HPSE2: variants seen among roughly 807,000 people sequenced by gnomAD.
The protein encoded by HPSE2 is heparanase 2 (inactive).
In HPSE2, 38 loss-of-function variants were observed where a neutral mutation model predicts 60.5. That is an observed-to-expected ratio of 0.63 (90% CI 0.48 to 0.82). The LOEUF is 0.82. Ranked by LOEUF, HPSE2 falls within the 40% of genes least tolerant of loss-of-function variation. The probability of loss-of-function intolerance (pLI) is 0.00; values close to 1 mark genes in which losing one functional copy is unlikely to be tolerated. For synonymous variants in HPSE2, 295 were observed against 293.2 expected, an observed-to-expected ratio of 1.01 and a Z score of -0.06; for missense variants, 713 against 740.4, an observed-to-expected ratio of 0.96 and a Z score of 0.43.
At chr10:98,803,005 T>C (rs1437713138) in intron 3 of HPSE2, among the ~76,000 whole-genome samples, 36 of 147,812 alleles carry the variant, frequency 2.4e-4, no homozygotes, top group African/African-American at 7.7e-4. Context: ...TTTTTAATGA[T>C]TGCCATTCTA....
intron 3 of HPSE2, among the ~76,000 whole-genome samples, chr10:99,092,372 T>C (rs1843545704): frequency 2.0e-5 from 3 of 152,188 alleles, no homozygotes; most frequent in Admixed American, 6.5e-5. Context: ...TCAGTAAGTA[T>C]TGTGACTCAA....
rs1554943112 is a variant in HPSE2 at position 98,571,940 on chromosome 10, C to CTTTTTTT, written c.1320+42957_1320+42963dup. Among the ~76,000 whole-genome samples, 4 of 140,724 alleles carry CTTTTTTT rather than the reference C, an allele frequency of 2.8e-5. 1 individual carries two copies. The highest frequency in any genetic ancestry group is 2.7e-5 in the African/African-American group (1 of 37,440). 92.3% of individuals were successfully genotyped at this position (140,724 alleles called of 152,430 possible). A position where few individuals can be genotyped will look rare whatever the true frequency, so the allele number is the denominator to read the frequency against. ...AATTCAGAGCAAGAGAATTCCTTTT[C>CTTTTTTT]TTTTTTTTTTTTTTTTGAGACGGAG... On this transcript the variant is annotated intron_variant, in intron 9 of 11. Transcript: ENST00000370552.
intron 4 of HPSE2, among the ~76,000 whole-genome samples, chr10:98,730,565 C>T (rs972976240): frequency 1.3e-5 from 2 of 150,594 alleles, no homozygotes; most frequent in Non-Finnish European, 3.0e-5. Context: ...ACCGATATAC[C>T]TTTAGTTAGA....
At chr10:99,245,891 T>C in the HPSE2 span, among the ~76,000 whole-genome samples, 3 of 152,128 alleles carry the variant, frequency 2.0e-5, no homozygotes, top group Non-Finnish European at 4.4e-5. Flanking sequence ...ATGTCCATCA[T>C]AAAGGAAATA....
At chr10:98,614,094 T>A (rs1945833204) in intron 9 of HPSE2, among the ~76,000 whole-genome samples, 1 of 152,180 alleles carries the variant, frequency 6.6e-6, no homozygotes, top group Admixed American at 6.5e-5. Flanking sequence ...TAATTGCACT[T>A]CAGCCACTCC....
intron 3 of HPSE2, chr10:99,013,554 C>A: frequency 4.2e-6 from 1 of 240,756 alleles, no homozygotes. Context: ...TCACTGCAAC[C>A]TCCGCCTCCC....
intron 3 of HPSE2, among the ~76,000 whole-genome samples, chr10:99,119,112 G>GGAGGGAGGGAGA (rs1270143928): frequency 1.4e-5 from 2 of 142,112 alleles, no homozygotes; most frequent in East Asian, 4.7e-4. Context: ...AGGGAGGGAG[G>GGAGGGAGGGAGA]GAGGGAGGGA....
chr10:98,458,680 C>T lies in HPSE2; in HGVS notation c.*894G>A, dbSNP rs1441413283. ...CTTAATTTTGGAGAGGTCTAATTTG[C>T]TTTGTCCAGTTGGGGTGTGTGTGTG... On this transcript the variant is annotated 3_prime_UTR_variant, in exon 12 of 12. Transcript: ENST00000370552. 6.6e-6 allele frequency: 1 copy of T among 152,168 alleles called. No individual in the cohort carries two copies. Among genetic ancestry groups the T allele is most frequent in the Non-Finnish European group, 1.5e-5 (1 of 68,064 alleles). The allele number at this position is 152,168 out of a possible 1,614,324, so 9.4% of individuals were successfully genotyped here.
intron 3 of HPSE2, among the ~76,000 whole-genome samples, chr10:98,834,715 T>A (rs765619721): frequency 2.6e-5 from 4 of 152,172 alleles, no homozygotes; most frequent in Admixed American, 6.5e-5. Context: ...CAGCTACATA[T>A]CTGTATGAGG....
upstream of HPSE2, among the ~76,000 whole-genome samples, chr10:99,240,319 T>C (rs1412735064): frequency 6.6e-6 from 1 of 152,152 alleles, no homozygotes; most frequent in Admixed American, 6.5e-5. Flanking sequence ...ACTACTGGGA[T>C]ATTATTCTGT....
At chr10:98,872,165 GGAAGGACCGTTTTCTGCA>G (rs1313793271) in intron 3 of HPSE2, among the ~76,000 whole-genome samples, 3 of 152,024 alleles carry the variant, frequency 2.0e-5, no homozygotes, top group Admixed American at 6.6e-5. Flanking sequence ...TGGATGAAAA[GGAAGGACCGTTTTCTGCA>G]GAGGCTTTTT....
chr10:99,177,846 T>A (rs547528360), intron 2 of HPSE2, among the ~76,000 whole-genome samples: 134 of 152,192 alleles, frequency 8.8e-4, no homozygotes, highest in African/African-American at 3.1e-3. Context: ...TCGCACTTAT[T>A]CTAAAATTGA....
chr10:99,274,671 C>T, the HPSE2 span, among the ~76,000 whole-genome samples: 1 of 152,070 alleles, frequency 6.6e-6, no homozygotes, highest in Non-Finnish European at 1.5e-5. Flanking sequence ...AGAACATTTC[C>T]AGGAGCAGCT....
intron 3 of HPSE2, among the ~76,000 whole-genome samples, chr10:98,986,613 G>T (rs1956360026): frequency 6.8e-6 from 1 of 147,788 alleles, no homozygotes; most frequent in African/African-American, 2.4e-5. Context: ...ACATTCAAAA[G>T]CTAGCAGAAG....
Position 98,892,251 on chromosome 10 carries a change from T to C in HPSE2, c.611-148195A>G, listed in dbSNP as rs182684244. 1.8e-4 allele frequency among the ~76,000 whole-genome samples: 27 copies of C among 152,292 alleles called. No homozygotes were observed. In the East Asian group the frequency reaches 4.8e-3, roughly 27 times the overall value. On this transcript the variant is annotated intron_variant, in intron 3 of 11. Transcript: ENST00000370552. ...AATTTACACTATATGTTATAAGAGA[T>C]ACCTCAGGATTAGGTGGACCATATC...
chr10:98,933,685 T>C (rs1182123137), intron 3 of HPSE2, among the ~76,000 whole-genome samples: 1 of 143,670 alleles, frequency 7.0e-6, no homozygotes, highest in Non-Finnish European at 1.5e-5. Context: ...TCGTGTTGAA[T>C]TGAACACTTT....
chr10:98,907,763 A>G lies in HPSE2; in HGVS notation c.611-163707T>C, dbSNP rs186811674. The stretch of plus-strand genomic sequence containing the variant: ...TTGAGTCAATCTGGATAAAAACACT[A>G]CTCCTGCTTTCCAGGGTTGCTAGGA... On this transcript the variant is annotated intron_variant, in intron 3 of 11. Coordinates refer to ENST00000370552, the MANE Select transcript of HPSE2 (RefSeq NM_021828.5). Among the ~76,000 whole-genome samples, 753 of 152,094 alleles carry G rather than the reference A, an allele frequency of 5.0e-3. 4 individuals are homozygous for G. Among genetic ancestry groups the G allele is most frequent in the African/African-American group, 0.017 (717 of 41,480 alleles).
At chr10:98,657,699 A>G (rs932472916) in intron 6 of HPSE2, among the ~76,000 whole-genome samples, 1 of 152,244 alleles carries the variant, frequency 6.6e-6, no homozygotes, top group Non-Finnish European at 1.5e-5. Context: ...TTCTCTTATT[A>G]AGTTTAAAAA....
At chr10:98,984,679 C>T (rs948852547) in intron 3 of HPSE2, among the ~76,000 whole-genome samples, 65 of 151,978 alleles carry the variant, frequency 4.3e-4, no homozygotes, top group East Asian at 3.9e-3. Flanking sequence ...AGGCTTCAGA[C>T]GATCAAACTA....
Sources: allele counts gnomAD v4.1 joint callset (sites outside exome capture counted in the v4.1 genomes callset), GRCh38; gene constraint gnomAD v4.1.1; transcripts MANE v1.5; gene names NCBI Gene and HGNC (gene_info 2026-07-23, HGNC 2026-07-21).